CDH13: variants seen among roughly 807,000 people sequenced by gnomAD.
CDH13 encodes the protein cadherin 13, also known as cadherin-13.
A neutral mutation model predicts 63.8 loss-of-function variants in CDH13; 24 were observed. The ratio of observed to expected loss-of-function variants is 0.38; its 90% CI spans 0.27 to 0.53. The LOEUF (loss-of-function observed/expected upper bound fraction) is 0.53, where lower values mean the gene tolerates loss of function less well. Among genes scored for constraint, CDH13 ranks in the 20% least tolerant of loss-of-function variants. The pLI is 0.85. For synonymous variants in CDH13, 503 were observed against 355.3 expected, an observed-to-expected ratio of 1.42 and a Z score of -4.67; for missense variants, 1,049 against 903.1, an observed-to-expected ratio of 1.16 and a Z score of -2.07.
chr16:83,004,157 C>T (rs188231567), intron 2 of CDH13, among the ~76,000 whole-genome samples: 1 of 152,152 alleles, frequency 6.6e-6, no homozygotes, highest in African/African-American at 2.4e-5. Context: ...ACCTACAGCC[C>T]CAGGCCAGCT....
rs367814153 is a variant in CDH13 at position 83,691,040 on chromosome 16, C to T, written c.1538+12579C>T. On this transcript the variant is annotated intron_variant, in intron 10 of 13. Coordinates refer to ENST00000567109, the MANE Select transcript of CDH13 (RefSeq NM_001257.5). ...CCAGGCCCTGAATGTTTTGAAGGTA[C>T]TGGTGACAGGGATTTGCTAACCAAC... 7.7e-4 allele frequency among the ~76,000 whole-genome samples: 116 copies of T among 150,308 alleles called. 5 individuals carry two copies. In the South Asian group the frequency reaches 0.024, roughly 32 times the overall value.
chr16:82,678,092 T>A (rs1914134577), intron 1 of CDH13, among the ~76,000 whole-genome samples: 1 of 152,132 alleles, frequency 6.6e-6, no homozygotes, highest in Admixed American at 6.5e-5. Context: ...CCCTCTACAC[T>A]GGCCTCCCAA....
chr16:83,474,207 T>TA lies in CDH13; in HGVS notation c.782-12269dup, dbSNP rs200131047. On this transcript the variant is annotated intron_variant, in intron 6 of 13. Transcript: ENST00000567109. ...ACATGTATCTCCTCCTCCATGGAAT[T>TA]ACTGCAAAGGTCTCCTCCTCAGTGC... is the stretch of plus-strand genomic sequence containing the variant. Among the ~76,000 whole-genome samples, 928 of 152,318 alleles carry TA rather than the reference T, an allele frequency of 6.1e-3. 13 individuals carry two copies. Among genetic ancestry groups the TA allele is most frequent in the African/African-American group, 0.021 (882 of 41,568 alleles).
intron 1 of CDH13, among the ~76,000 whole-genome samples, chr16:82,665,864 A>G (rs933228792): frequency 6.6e-6 from 1 of 152,196 alleles, no homozygotes; most frequent in African/African-American, 2.4e-5. Context: ...AGCCCATTTT[A>G]TAATGAAGTG....
chr16:83,063,933 G>A (rs2031791998), intron 3 of CDH13, among the ~76,000 whole-genome samples: 1 of 152,180 alleles, frequency 6.6e-6, no homozygotes, highest in African/African-American at 2.4e-5. Context: ...GGAGAGGCAA[G>A]TGGAAGGGAC....
intron 1 of CDH13, among the ~76,000 whole-genome samples, chr16:82,674,499 A>G (rs918815309): frequency 6.6e-6 from 1 of 152,258 alleles, no homozygotes; most frequent in Admixed American, 6.5e-5. Flanking sequence ...TGAAATCCTC[A>G]GTTAACCACA....
intron 8 of CDH13, among the ~76,000 whole-genome samples, chr16:83,651,588 C>CTTTTTTTTTTTTTTTTTT (rs35237670): frequency 1.3e-5 from 1 of 75,306 alleles, no homozygotes; most frequent in Non-Finnish European, 2.4e-5. Context: ...TTATTTTCCT[C>CTTTTTTTTTTTTTTTTTT]TTTTTTTTTT....
chr16:83,579,710 A>G (rs993236943), intron 7 of CDH13, among the ~76,000 whole-genome samples: 1 of 152,094 alleles, frequency 6.6e-6, no homozygotes, highest in Non-Finnish European at 1.5e-5. Context: ...TCATCCCTGG[A>G]GCTGTACTGA....
chr16:82,835,517 C>T (rs1042668360), intron 1 of CDH13, among the ~76,000 whole-genome samples: 3 of 152,108 alleles, frequency 2.0e-5, no homozygotes, highest in African/African-American at 4.8e-5. Flanking sequence ...TTGCTGTAGC[C>T]CTTGATTTGA....
chr16:82,825,560 C>G (rs1321270919), intron 1 of CDH13: 1 of 146,908 alleles, frequency 6.8e-6, no homozygotes, highest in Non-Finnish European at 1.5e-5. Context: ...TTTTTTTTCC[C>G]AAACAGAGTC....
intron 6 of CDH13, among the ~76,000 whole-genome samples, chr16:83,480,112 T>C (rs1453885528): frequency 6.6e-6 from 1 of 152,086 alleles, no homozygotes; most frequent in Non-Finnish European, 1.5e-5. Context: ...ATCGCTTGAC[T>C]CCAGGGGTTC....
At chr16:82,840,361 A>AGG (rs1313572866) in intron 1 of CDH13, among the ~76,000 whole-genome samples, 1 of 145,072 alleles carries the variant, frequency 6.9e-6, no homozygotes, top group African/African-American at 2.5e-5. Flanking sequence ...CTAAAGAGGG[A>AGG]GGGCCTGATG....
At chr16:82,710,466 G>A (rs1193226794) in intron 1 of CDH13, among the ~76,000 whole-genome samples, 3 of 137,822 alleles carry the variant, frequency 2.2e-5, no homozygotes, top group Admixed American at 7.7e-5. Context: ...CAGGAGGGCG[G>A]AGCTTGCAGT....
chr16:83,443,356 C>G (rs750938742), intron 6 of CDH13, among the ~76,000 whole-genome samples: 1 of 152,190 alleles, frequency 6.6e-6, no homozygotes, highest in Non-Finnish European at 1.5e-5. Flanking sequence ...GCTTGGAGCA[C>G]TGCACCCACA....
rs988937657 is a variant in CDH13, at chr16:82,658,411, A to G, written c.45+31274A>G. The stretch of plus-strand genomic sequence containing the variant: ...ACATCAATTGATTCTTAAATGTTCA[A>G]CAAGCCTTGCATACCTGTGATAAAT... On this transcript the variant is annotated intron_variant, in intron 1 of 13. Transcript: ENST00000567109. Among the ~76,000 whole-genome samples, 5 of 152,216 alleles carry G rather than the reference A, an allele frequency of 3.3e-5. No homozygotes were observed. In the East Asian group the frequency reaches 7.7e-4, roughly 23 times the overall value.
chr16:82,753,143 C>G (rs1875262446), intron 1 of CDH13, among the ~76,000 whole-genome samples: 1 of 152,254 alleles, frequency 6.6e-6, no homozygotes, highest in Non-Finnish European at 1.5e-5. Context: ...CTTATTATTC[C>G]TCCTCATGAG....
At chr16:82,826,176 A>C (rs888585564) in intron 1 of CDH13, 2 of 152,148 alleles carry the variant, frequency 1.3e-5, no homozygotes, top group African/African-American at 2.4e-5. Context: ...TTTAAGATGC[A>C]TTGTCTACTA....
chr16:82,693,266 G>T (rs1313993972), intron 1 of CDH13, among the ~76,000 whole-genome samples: 2 of 152,172 alleles, frequency 1.3e-5, no homozygotes, highest in South Asian at 4.1e-4. Context: ...GTTAACCCAT[G>T]GTTGAATAAG....
At chr16:83,027,258 A>G (rs1353794235) in intron 2 of CDH13, among the ~76,000 whole-genome samples, 1 of 152,190 alleles carries the variant, frequency 6.6e-6, no homozygotes, top group Non-Finnish European at 1.5e-5. Flanking sequence ...GAATGAAAGA[A>G]CAAGACTCAA....
Sources: gnomAD v4.1 joint callset for allele counts (sites outside exome capture counted in the v4.1 genomes callset) on GRCh38, gnomAD v4.1.1 for gene constraint, MANE v1.5 for transcripts, NCBI Gene and HGNC (gene_info 2026-07-23, HGNC 2026-07-21) for gene names.